Variants in DNAH11 observed in about 807,000 individuals in gnomAD.
DNAH11 encodes the protein dynein axonemal heavy chain 11, also known as axonemal beta dynein heavy chain 11.
In DNAH11, 442 loss-of-function variants were observed where a neutral mutation model predicts 526.0. The observed-to-expected ratio is 0.84, with a 90% CI of 0.78 to 0.91. DNAH11 has a LOEUF of 0.91. DNAH11 is among the 40% of genes least tolerant of loss of function. The pLI is 0.00. For synonymous variants in DNAH11, 2,461 were observed against 1,935.9 expected (o/e 1.27, Z -7.12); for missense variants, 6,989 against 5,448.7 (o/e 1.28, Z -8.90).
Position 21,620,040 on chromosome 7 carries a change from T to C in DNAH11, c.4462T>C (p.Ser1488Pro). The change falls in exon 25 of 82, where the codon TCT becomes CCT. Residue 1488 changes from serine to proline, a missense_variant. Ser to Pro is a moderately conservative substitution (Grantham distance 74). Transcript: ENST00000409508. Reference protein sequence around the residue: ...HYRTGIPLLKSDEQLFETLEH... With the variant: ...HYRTGIPLLKPDEQLFETLEH... ...TCGAACAGGCATTCCATTACTAAAG[T>C]CTGATGAACAACTTTTTGAAACTCT... is the stretch of plus-strand genomic sequence containing the variant. The C allele has an allele frequency of 6.2e-7, 1 of 1,606,204 alleles. No individual in the cohort carries two copies.
intron 20 of DNAH11, among the ~76,000 whole-genome samples, chr7:21,607,113 T>C (rs1464776725): frequency 2.6e-5 from 4 of 152,150 alleles, no homozygotes; most frequent in African/African-American, 7.2e-5. Context: ...GGAGCCAGCA[T>C]TGCGGCCTTG....
chr7:21,777,479 A>G (rs1387941842), intron 56 of DNAH11, among the ~76,000 whole-genome samples: 1 of 152,174 alleles, frequency 6.6e-6, no homozygotes, highest in Non-Finnish European at 1.5e-5. Context: ...GTTTACATTT[A>G]TAGAAAACAG....
rs773115606 is a variant in DNAH11 at position 21,659,032 on chromosome 7, G to T, written c.5328+1G>T. ...CCTGAAGGATTTCCATAAAAAACAG[G>T]TATTACATAGATTTGTGATTTTGAG... On this transcript the variant is annotated splice_donor_variant, in intron 30 of 81. Transcript: ENST00000409508. LOFTEE classifies it high-confidence loss of function. 6.4e-7 allele frequency: 1 copy of T among 1,574,744 alleles called. No individual in the cohort carries two copies. The highest frequency in any genetic ancestry group is 1.9e-5 in the Admixed American group (1 of 53,828).
chr7:21,750,398 A>G, intron 54 of DNAH11, 34 bp downstream of exon 54: 1 of 1,571,416 alleles, frequency 6.4e-7, no homozygotes, highest in Non-Finnish European at 8.6e-7. Flanking sequence ...CATGTTAGTT[A>G]AAACCTGCTA....
At chr7:21,654,972 G>T (rs1226402945) in intron 28 of DNAH11, among the ~76,000 whole-genome samples, 3 of 152,122 alleles carry the variant, frequency 2.0e-5, no homozygotes, top group Non-Finnish European at 4.4e-5. Flanking sequence ...CTGGGGTTGC[G>T]GTTGGAGGCC....
intron 29 of DNAH11, among the ~76,000 whole-genome samples, chr7:21,656,720 G>T (rs1296096642): frequency 6.6e-6 from 1 of 152,076 alleles, no homozygotes; most frequent in African/African-American, 2.4e-5. Flanking sequence ...TTGGGGCAGG[G>T]GTTCCTGAAA....
At chr7:21,626,581 C>A (rs1786345911) in intron 25 of DNAH11, among the ~76,000 whole-genome samples, 1 of 151,998 alleles carries the variant, frequency 6.6e-6, no homozygotes, top group African/African-American at 2.4e-5. Context: ...TACAAGTGTT[C>A]CCCTTTCTCC....
intron 28 of DNAH11, among the ~76,000 whole-genome samples, chr7:21,650,698 G>A (rs983096343): frequency 4.6e-5 from 7 of 151,504 alleles, no homozygotes; most frequent in Admixed American, 4.6e-4. Context: ...GGAGTGCAGT[G>A]GTGCAATCTC....
intron 74 of DNAH11, 42 bp from the exon 75 acceptor site, chr7:21,880,660 C>T (rs142063479): frequency 1.9e-6 from 3 of 1,607,284 alleles, no homozygotes; most frequent in East Asian, 2.2e-5. Flanking sequence ...TCTTGGAAAC[C>T]ATACAGATGG....
At chr7:21,825,851 CG>C (rs1023965179) in intron 65 of DNAH11, among the ~76,000 whole-genome samples, 1 of 151,060 alleles carries the variant, frequency 6.6e-6, no homozygotes, top group Non-Finnish European at 1.5e-5. Context: ...CCCAGCTACT[CG>C]GGAGGCTGAG....
chr7:21,609,769 C>T (rs1469778377), intron 20 of DNAH11, among the ~76,000 whole-genome samples: 1 of 151,466 alleles, frequency 6.6e-6, no homozygotes, highest in African/African-American at 2.4e-5. Context: ...AATGCAGAAG[C>T]CTGTGCTGCT....
At chr7:21,892,893 A>G (rs1784376754) in intron 77 of DNAH11, among the ~76,000 whole-genome samples, 1 of 152,188 alleles carries the variant, frequency 6.6e-6, no homozygotes, top group South Asian at 2.1e-4. Context: ...CTTTACCTCT[A>G]TCATCACAGA....
At chr7:21,895,617 G>C (rs1784483547) in intron 79 of DNAH11, among the ~76,000 whole-genome samples, 1 of 152,144 alleles carries the variant, frequency 6.6e-6, no homozygotes, top group Admixed American at 6.5e-5. Context: ...GCTTTTTGGT[G>C]CTGAGTTTCT....
intron 28 of DNAH11, among the ~76,000 whole-genome samples, chr7:21,649,963 C>T (rs11972312): frequency 0.11 from 16,554 of 152,046 alleles, 918 homozygotes; most frequent in South Asian, 0.18. Context: ...CCATGCCCAG[C>T]GACTATTCTA....
chr7:21,678,278 T>C (rs771898217), intron 30 of DNAH11, among the ~76,000 whole-genome samples: 11 of 152,030 alleles, frequency 7.2e-5, no homozygotes, highest in Non-Finnish European at 1.3e-4. Flanking sequence ...AATTTCGTTC[T>C]TTTGCATGTG....
intron 2 of DNAH11, among the ~76,000 whole-genome samples, chr7:21,554,610 T>G (rs1471296478): frequency 2.0e-5 from 3 of 152,192 alleles, no homozygotes; most frequent in Non-Finnish European, 4.4e-5. Context: ...TTTCTTTTCC[T>G]GTGAAAAGGA....
intron 74 of DNAH11, among the ~76,000 whole-genome samples, chr7:21,880,117 A>G (rs888844120): frequency 2.0e-5 from 3 of 151,922 alleles, no homozygotes; most frequent in African/African-American, 7.2e-5. Context: ...AAAGAAAAAA[A>G]GGGAAGAGTG....
chr7:21,626,095 T>C (rs1786317961), intron 25 of DNAH11, among the ~76,000 whole-genome samples: 1 of 152,182 alleles, frequency 6.6e-6, no homozygotes, highest in African/African-American at 2.4e-5. Context: ...TTCTAGATCT[T>C]TTGAAATACA....
intron 12 of DNAH11, among the ~76,000 whole-genome samples, chr7:21,589,879 G>A (rs891291201): frequency 4.6e-5 from 7 of 152,128 alleles, no homozygotes; most frequent in African/African-American, 1.7e-4. Flanking sequence ...GACACGTCAC[G>A]TTTTTGATGA....
Sources: gnomAD v4.1 joint callset for allele counts (sites outside exome capture counted in the v4.1 genomes callset) on GRCh38, gnomAD v4.1.1 for gene constraint, MANE v1.5 for transcripts, NCBI Gene and HGNC (gene_info 2026-07-23, HGNC 2026-07-21) for gene names.